FNDC3B: variants seen among roughly 807,000 people sequenced by gnomAD.
FNDC3B encodes fibronectin type III domain containing 3B, also known as fibronectin type III domain-containing protein 3B.
In FNDC3B, 12 loss-of-function variants were observed where a neutral mutation model predicts 151.5. The ratio of observed to expected loss-of-function variants is 0.08; its 90% CI spans 0.05 to 0.13. The LOEUF is 0.13. FNDC3B is among the 10% of genes least tolerant of loss of function. FNDC3B has a pLI of 1.00. For missense variants in FNDC3B, 1,214 were observed against 1,505.3 expected, an observed-to-expected ratio of 0.81 and a Z score of 3.20; for synonymous variants, 528 against 549.0, an observed-to-expected ratio of 0.96 and a Z score of 0.54.
At chr3:172,245,955 C>T (rs1443006744) in intron 4 of FNDC3B, among the ~76,000 whole-genome samples, 17 of 151,858 alleles carry the variant, frequency 1.1e-4, no homozygotes, top group African/African-American at 2.4e-4. Flanking sequence ...GATTAATGGC[C>T]GTTCATTCAA....
At position 172,247,788 on chromosome 3, in the gene FNDC3B, T is replaced by C; in HGVS notation, c.508+12T>C. The C allele has an allele frequency of 6.2e-7, 1 of 1,614,050 alleles. No individual in the cohort carries two copies. The highest frequency in any genetic ancestry group is 8.5e-7 in the Non-Finnish European group (1 of 1,179,910). ...ATATGGTGAGCAAGGTGAGTAGATT[T>C]TCGTTGGCGTCAGGAGCCGTTGAAA... On this transcript the variant is annotated intron_variant, in intron 5 of 25. Transcript: ENST00000415807.
At chr3:172,170,557 A>G (rs897915297) in intron 3 of FNDC3B, among the ~76,000 whole-genome samples, 2 of 152,256 alleles carry the variant, frequency 1.3e-5, no homozygotes, top group Non-Finnish European at 2.9e-5. Flanking sequence ...GGGAGAGAAG[A>G]AAAAGAGATA....
chr3:172,081,152 T>C (rs182253005), intron 1 of FNDC3B, among the ~76,000 whole-genome samples: 1 of 152,336 alleles, frequency 6.6e-6, no homozygotes, highest in East Asian at 1.9e-4. Context: ...TAGGTATTGA[T>C]TGGCACTAGT....
chr3:172,326,932 C>T (rs942771744), intron 11 of FNDC3B, among the ~76,000 whole-genome samples: 3 of 152,048 alleles, frequency 2.0e-5, no homozygotes, highest in Admixed American at 6.6e-5. Flanking sequence ...TGAGAGCTTC[C>T]GCCATGGCAG....
chr3:172,046,239 G>A (rs1164506885), intron 1 of FNDC3B, among the ~76,000 whole-genome samples: 2 of 152,164 alleles, frequency 1.3e-5, no homozygotes, highest in Non-Finnish European at 2.9e-5. Flanking sequence ...GTTAAGATAT[G>A]CAAGTTTAGC....
At chr3:172,357,313 A>G (rs1734143919) in intron 22 of FNDC3B, among the ~76,000 whole-genome samples, 1 of 152,220 alleles carries the variant, frequency 6.6e-6, no homozygotes, top group Admixed American at 6.5e-5. Context: ...CTTCCCTTGT[A>G]CTTAATTTGC....
chr3:172,050,077 C>T (rs1174117884), intron 1 of FNDC3B, among the ~76,000 whole-genome samples: 1 of 151,976 alleles, frequency 6.6e-6, no homozygotes, highest in Non-Finnish European at 1.5e-5. Context: ...GGTTCTGCTC[C>T]CTCTGTTTTT....
chr3:172,307,607 C>G (rs1397935104), intron 10 of FNDC3B, 106 bp downstream of exon 10: 2 of 1,104,882 alleles, frequency 1.8e-6, no homozygotes, highest in African/African-American at 3.1e-5. Context: ...GAGGGGGGAT[C>G]ACTTGAACCC....
At chr3:172,307,012 G>T in intron 9 of FNDC3B, 1 of 182,690 alleles carries the variant, frequency 5.5e-6, no homozygotes, top group Non-Finnish European at 1.2e-5. Context: ...CCTTTTTCCA[G>T]ATAAAGTCAA....
intron 1 of FNDC3B, among the ~76,000 whole-genome samples, chr3:172,085,654 G>A (rs1312658608): frequency 6.6e-6 from 1 of 152,206 alleles, no homozygotes; most frequent in Non-Finnish European, 1.5e-5. Flanking sequence ...GCCCCTTGAT[G>A]TGTTTATCTA....
chr3:172,190,731 C>T (rs553153002), intron 3 of FNDC3B, among the ~76,000 whole-genome samples: 3 of 152,204 alleles, frequency 2.0e-5, no homozygotes, highest in South Asian at 2.1e-4. Flanking sequence ...TGCAATGGCA[C>T]GATCTTGGCT....
intron 11 of FNDC3B, among the ~76,000 whole-genome samples, chr3:172,327,004 C>T (rs1483576504): frequency 6.6e-6 from 1 of 152,156 alleles, no homozygotes; most frequent in Non-Finnish European, 1.5e-5. Flanking sequence ...GAAGGTAGAT[C>T]ATGCCACAGC....
intron 1 of FNDC3B, among the ~76,000 whole-genome samples, chr3:172,043,202 C>T (rs949796350): frequency 6.6e-6 from 1 of 152,224 alleles, no homozygotes. Flanking sequence ...CAGGCGTGAG[C>T]CACCACACCC....
chr3:172,248,481 G>A (rs935871805), intron 5 of FNDC3B, among the ~76,000 whole-genome samples: 2 of 151,980 alleles, frequency 1.3e-5, no homozygotes, highest in Non-Finnish European at 2.9e-5. Context: ...CTATCAAAAT[G>A]GATACTAAGA....
intron 3 of FNDC3B, among the ~76,000 whole-genome samples, chr3:172,165,867 G>C (rs1357170375): frequency 6.6e-6 from 1 of 152,126 alleles, no homozygotes; most frequent in Non-Finnish European, 1.5e-5. Context: ...AATTACATTA[G>C]ATTCAGAAAT....
intron 20 of FNDC3B, among the ~76,000 whole-genome samples, chr3:172,346,887 A>G (rs1402743516): frequency 1.3e-5 from 2 of 152,024 alleles, no homozygotes; most frequent in Non-Finnish European, 2.9e-5. Flanking sequence ...TACTTTTAGT[A>G]GAGATAGGGT....
chr3:172,056,870 G>A (rs1716942363), intron 1 of FNDC3B, among the ~76,000 whole-genome samples: 1 of 152,184 alleles, frequency 6.6e-6, no homozygotes, highest in South Asian at 2.1e-4. Flanking sequence ...TCATGTGACA[G>A]CTTTCCAGCT....
At chr3:172,212,423 G>A (rs765060565) in intron 3 of FNDC3B, among the ~76,000 whole-genome samples, 3 of 152,050 alleles carry the variant, frequency 2.0e-5, no homozygotes, top group Non-Finnish European at 2.9e-5. Context: ...GAACTGGTCC[G>A]TAGCACATCT....
intron 5 of FNDC3B, among the ~76,000 whole-genome samples, chr3:172,249,968 T>C (rs141885784): frequency 1.3e-5 from 2 of 151,562 alleles, no homozygotes; most frequent in East Asian, 2.0e-4. Context: ...GAAGAAATTA[T>C]TGATATTCCT....
Sources: allele counts gnomAD v4.1 joint callset (sites outside exome capture counted in the v4.1 genomes callset), GRCh38; gene constraint gnomAD v4.1.1; transcripts MANE v1.5; gene names NCBI Gene and HGNC (gene_info 2026-07-23, HGNC 2026-07-21).